Variants in BAIAP2 observed in about 807,000 individuals in gnomAD.
BAIAP2 encodes the protein BAR/IMD domain-containing adapter protein 2.
A neutral mutation model predicts 63.0 loss-of-function variants in BAIAP2; 18 were observed. The observed-to-expected ratio is 0.29, with a 90% CI of 0.20 to 0.42. The LOEUF is 0.42. Ranked by LOEUF, BAIAP2 falls within the 10% of genes least tolerant of loss-of-function variation. BAIAP2 has a pLI of 1.00. For synonymous variants in BAIAP2, 386 were observed against 307.6 expected, an observed-to-expected ratio of 1.25 and a Z score of -2.67; for missense variants, 610 against 734.3, an observed-to-expected ratio of 0.83 and a Z score of 1.96.
chr17:81,083,495 C>G (rs2054998392), intron 3 of BAIAP2: 1 of 152,250 alleles, frequency 6.6e-6, no homozygotes, highest in African/African-American at 2.4e-5. Flanking sequence ...TCCGGCCCCT[C>G]CTCTGCAGAC....
At position 81,084,827 on chromosome 17, in the gene BAIAP2, C is replaced by T; in HGVS notation, c.218-5C>T. 1 of 1,613,590 alleles carries T rather than the reference C, an allele frequency of 6.2e-7. No homozygotes were observed. The highest frequency in any genetic ancestry group is 1.7e-5 in the Admixed American group (1 of 60,024). ...TCCCCTTCCTTCTGCTGTTCTGCTT[C>T]CCAGGAGACGTTCTCTTCCAGATGG... On this transcript the variant is annotated splice_polypyrimidine_tract_variant and splice_region_variant and intron_variant, in intron 3 of 13. Transcript: ENST00000428708.
At chr17:81,055,463 A>AC (rs1361399577) in intron 2 of BAIAP2, among the ~76,000 whole-genome samples, 1 of 147,594 alleles carries the variant, frequency 6.8e-6, no homozygotes, top group African/African-American at 2.5e-5. Context: ...GTTTCTCTCC[A>AC]CCCTGCCCCT....
chr17:81,104,847 C>T (rs1307854000), intron 10 of BAIAP2, 132 bp downstream of exon 10: 5 of 985,570 alleles, frequency 5.1e-6, no homozygotes, highest in Non-Finnish European at 7.4e-6. Flanking sequence ...CCGTAGAAGA[C>T]CTGGGCAGTG....
At position 81,117,342 on chromosome 17, in the gene BAIAP2, A is replaced by AACAT. The variant is rs1451651326; in HGVS notation, c.*1504_*1507dup. ...TCTCTTAAAAAACAAGGAACAAGAA[A>AACAT]ACATTGCACCAGCGTTCTAAGCCTC... On this transcript the variant is annotated 3_prime_UTR_variant, in exon 14 of 14. Coordinates refer to ENST00000428708, the MANE Select transcript of BAIAP2 (RefSeq NM_001144888.2). 2 of 152,434 alleles carry AACAT rather than the reference A, an allele frequency of 1.3e-5. No homozygotes were observed. Among genetic ancestry groups the AACAT allele is most frequent in the East Asian group, 3.9e-4 (2 of 5,194 alleles). The allele number at this position is 152,434 out of a possible 1,614,324, so 9.4% of individuals were successfully genotyped here.
chr17:81,111,108 TG>T, intron 13 of BAIAP2: 3 of 937,174 alleles, frequency 3.2e-6, no homozygotes, highest in Non-Finnish European at 4.9e-6. Flanking sequence ...CTCTGGGTGC[TG>T]GGCCTTCTCT....
At chr17:81,104,419 A>G in intron 9 of BAIAP2, 95 bp from the exon 10 acceptor site, 1 of 1,355,072 alleles carries the variant, frequency 7.4e-7, no homozygotes. Flanking sequence ...CCTGGGGCAC[A>G]GGCGGCTGTG....
chr17:81,036,242 A>T (rs2046244122), intron 1 of BAIAP2, among the ~76,000 whole-genome samples: 1 of 151,598 alleles, frequency 6.6e-6, no homozygotes. Context: ...CAGAGGAGAA[A>T]CCCCTGCTCT....
chr17:81,077,492 C>T (rs1011587599), intron 3 of BAIAP2, among the ~76,000 whole-genome samples: 5 of 151,840 alleles, frequency 3.3e-5, no homozygotes, highest in African/African-American at 9.7e-5. Context: ...CACTTGAACC[C>T]GGGAGGCGGA....
chr17:81,069,460 C>T (rs926493531), intron 3 of BAIAP2, among the ~76,000 whole-genome samples: 7 of 152,210 alleles, frequency 4.6e-5, no homozygotes, highest in Admixed American at 1.3e-4. Context: ...GTCCACGGGG[C>T]GGCCGGTCTG....
chr17:81,096,032 C>T (rs2057559766), intron 6 of BAIAP2, among the ~76,000 whole-genome samples: 1 of 152,130 alleles, frequency 6.6e-6, no homozygotes, highest in Non-Finnish European at 1.5e-5. Context: ...TTGGAAGGTG[C>T]CGTTCTCAGG....
intron 13 of BAIAP2, among the ~76,000 whole-genome samples, chr17:81,113,910 C>T (rs989618290): frequency 6.6e-6 from 1 of 151,704 alleles, no homozygotes; most frequent in African/African-American, 2.4e-5. Flanking sequence ...GCTGCACTGC[C>T]CTCGGCTGTG....
chr17:81,115,577 C>T (rs1422599684), intron 13 of BAIAP2, among the ~76,000 whole-genome samples, 193 bp from the exon 14 acceptor site: 2 of 152,198 alleles, frequency 1.3e-5, no homozygotes, highest in South Asian at 2.1e-4. Flanking sequence ...ACTTGGGGGT[C>T]AGGCAGCCTT....
At chr17:81,037,555 T>C (rs1461954405) in intron 1 of BAIAP2, among the ~76,000 whole-genome samples, 1 of 152,252 alleles carries the variant, frequency 6.6e-6, no homozygotes, top group African/African-American at 2.4e-5. Flanking sequence ...AGGAGACCGC[T>C]GAGGCCACCG....
At chr17:81,036,866 G>T in intron 1 of BAIAP2, 2 of 1,535,798 alleles carry the variant, frequency 1.3e-6, no homozygotes, top group East Asian at 4.9e-5. Flanking sequence ...ATTGCAGAGG[G>T]TGGAAGAGAA....
At chr17:81,061,058 A>C (rs1225668654) in intron 3 of BAIAP2, among the ~76,000 whole-genome samples, 1 of 152,204 alleles carries the variant, frequency 6.6e-6, no homozygotes, top group African/African-American at 2.4e-5. Context: ...TGGGAGGCGG[A>C]GGTTGCAGTG....
chr17:81,049,454 G>A (rs1399672608), intron 1 of BAIAP2, among the ~76,000 whole-genome samples: 1 of 152,176 alleles, frequency 6.6e-6, no homozygotes, highest in Non-Finnish European at 1.5e-5. Context: ...TCCTGGCCTA[G>A]GTTTTTCTGG....
chr17:81,101,635 GCACA>G (rs57194901), intron 7 of BAIAP2, among the ~76,000 whole-genome samples: 49,794 of 151,518 alleles, frequency 0.33, 9,018 homozygotes, highest in East Asian at 0.51. Context: ...GCGCGTGCGT[GCACA>G]CACACACACA....
At chr17:81,089,433 C>T (rs1310568184) in intron 6 of BAIAP2, among the ~76,000 whole-genome samples, 1 of 152,184 alleles carries the variant, frequency 6.6e-6, no homozygotes, top group Admixed American at 6.5e-5. Flanking sequence ...GGCAAGGGGC[C>T]GCTGCTGGGT....
At position 81,046,989 on chromosome 17, in the gene BAIAP2, G is replaced by C. The variant is rs908763751; in HGVS notation, c.55-6679G>C. On this transcript the variant is annotated intron_variant, in intron 1 of 13. Transcript: ENST00000428708. The surrounding 1 kb of genome is among the most constrained non-coding windows in gnomAD (Gnocchi z 4.5). ...CCTGTCGCGACAGAGGTGGAAGTGA[G>C]GGCGGTGGTCCAGTGGGCAACAGCG... 3.9e-5 allele frequency among the ~76,000 whole-genome samples: 6 copies of C among 152,232 alleles called. No individual in the cohort carries two copies. Among genetic ancestry groups the C allele is most frequent in the Non-Finnish European group, 8.8e-5 (6 of 68,044 alleles).
Sources: gnomAD v4.1 joint callset for allele counts (sites outside exome capture counted in the v4.1 genomes callset) on GRCh38, gnomAD v4.1.1 for gene constraint, Gnocchi (gnomAD v3.1) non-coding constraint, MANE v1.5 for transcripts, NCBI Gene and HGNC (gene_info 2026-07-23, HGNC 2026-07-21) for gene names.